The following SNTG1 variants were observed in gnomAD, a reference collection of about 807,000 sequenced individuals.
SNTG1 encodes the protein gamma-1-syntrophin.
SNTG1 carries 39 observed loss-of-function variants against 74.7 expected under a neutral mutation model. The observed-to-expected ratio is 0.52, with a 90% CI of 0.40 to 0.68. The LOEUF is 0.68. Among genes scored for constraint, SNTG1 ranks in the 30% least tolerant of loss-of-function variants. The pLI is 0.00. For synonymous variants in SNTG1, 254 were observed against 217.1 expected (o/e 1.17, Z -1.49); for missense variants, 685 against 609.5 (o/e 1.12, Z -1.30).
chr8:50,562,877 T>C (rs575305160), intron 12 of SNTG1, among the ~76,000 whole-genome samples: 2 of 152,300 alleles, frequency 1.3e-5, no homozygotes, highest in East Asian at 3.9e-4. Context: ...AGTTCCTAAA[T>C]ACTTAATTTA....
intron 18 of SNTG1, among the ~76,000 whole-genome samples, chr8:50,785,290 T>C: frequency 6.6e-6 from 1 of 151,920 alleles, no homozygotes; most frequent in Non-Finnish European, 1.5e-5. Context: ...GACAAAACTT[T>C]AACTAGATAA....
At chr8:50,559,432 C>G (rs1200769938) in intron 12 of SNTG1, among the ~76,000 whole-genome samples, 2 of 151,800 alleles carry the variant, frequency 1.3e-5, no homozygotes, top group Admixed American at 6.6e-5. Flanking sequence ...CTAATACCTA[C>G]TAAAAGAAGT....
At chr8:50,656,568 G>C (rs2095182648) in intron 13 of SNTG1, among the ~76,000 whole-genome samples, 1 of 152,100 alleles carries the variant, frequency 6.6e-6, no homozygotes, top group South Asian at 2.1e-4. Context: ...TGGTAAACAA[G>C]TGCGATGCAT....
chr8:50,474,259 A>G (rs1240145135), intron 8 of SNTG1, among the ~76,000 whole-genome samples: 1 of 152,150 alleles, frequency 6.6e-6, no homozygotes, highest in Admixed American at 6.5e-5. Flanking sequence ...TCTGCACAGC[A>G]AAAGAAACCA....
chr8:50,168,888 T>C (rs2082715187), intron 1 of SNTG1, among the ~76,000 whole-genome samples: 1 of 152,214 alleles, frequency 6.6e-6, no homozygotes, highest in African/African-American at 2.4e-5. Context: ...TACCTGATTA[T>C]GAAAAGCAGG....
At chr8:50,115,568 A>AC (rs2080783377) in intron 1 of SNTG1, among the ~76,000 whole-genome samples, 1 of 80,816 alleles carries the variant, frequency 1.2e-5, no homozygotes, top group Non-Finnish European at 2.7e-5. Flanking sequence ...ACTCTGTCTC[A>AC]AAAAAAAAAA....
rs2087629135 is a variant in SNTG1, at chr8:50,268,956, G to A, written c.-28+96321G>A. The stretch of plus-strand genomic sequence containing the variant: ...TTACAGGTGTGAGCCATCGCACCCA[G>A]CCTCAACCAGTTTTTGAAAGGTACA... On this transcript the variant is annotated intron_variant, in intron 2 of 18. Transcript: ENST00000642720. 3.3e-5 allele frequency among the ~76,000 whole-genome samples: 5 copies of A among 152,088 alleles called. No individual in the cohort carries two copies. In the South Asian group the frequency reaches 1.0e-3, roughly 32 times the overall value.
chr8:49,950,995 A>T (rs1361015381), intron 1 of SNTG1, among the ~76,000 whole-genome samples: 1 of 152,246 alleles, frequency 6.6e-6, no homozygotes, highest in Non-Finnish European at 1.5e-5. Flanking sequence ...AACAATACCT[A>T]AAACGTCTTT....
chr8:50,772,479 G>C (rs577723687), intron 18 of SNTG1, among the ~76,000 whole-genome samples: 62 of 152,144 alleles, frequency 4.1e-4, no homozygotes, highest in African/African-American at 1.4e-3. Context: ...TAAATAACTT[G>C]CTCTTGATTT....
intron 16 of SNTG1, chr8:50,708,645 G>A (rs929188414): frequency 2.1e-5 from 10 of 483,130 alleles, no homozygotes; most frequent in African/African-American, 1.5e-4. Flanking sequence ...GACAAAACTA[G>A]AGGGAGCAGG....
rs567870239 is a variant in SNTG1, at chr8:49,973,261, G to A, written c.-103+61030G>A. 4.7e-3 allele frequency among the ~76,000 whole-genome samples: 712 copies of A among 151,746 alleles called. 9 individuals carry two copies. The highest frequency in any genetic ancestry group is 0.016 in the African/African-American group (672 of 41,334). The stretch of plus-strand genomic sequence containing the variant: ...CGTCATTCTCAGCAAACTATCACAA[G>A]GACAAAAAACCAAACACCGCATGTT... On this transcript the variant is annotated intron_variant, in intron 1 of 18. Coordinates refer to ENST00000642720, the MANE Select transcript of SNTG1 (RefSeq NM_018967.5).
chr8:50,748,938 A>T (rs2095561114), intron 17 of SNTG1, among the ~76,000 whole-genome samples: 1 of 151,998 alleles, frequency 6.6e-6, no homozygotes, highest in Non-Finnish European at 1.5e-5. Context: ...ATAATCCTGC[A>T]ATGGACTTTC....
chr8:50,597,493 C>G (rs1480699944), intron 13 of SNTG1, among the ~76,000 whole-genome samples: 1 of 151,162 alleles, frequency 6.6e-6, no homozygotes, highest in African/African-American at 2.4e-5. Context: ...CATATCTCAG[C>G]TATTTTGAAT....
intron 2 of SNTG1, among the ~76,000 whole-genome samples, chr8:50,376,410 T>G (rs765083587): frequency 6.6e-6 from 1 of 152,116 alleles, no homozygotes; most frequent in Non-Finnish European, 1.5e-5. Flanking sequence ...ACTTGCATAA[T>G]GATAATAATT....
intron 12 of SNTG1, among the ~76,000 whole-genome samples, chr8:50,562,845 C>G (rs746083658): frequency 6.6e-6 from 1 of 152,162 alleles, no homozygotes; most frequent in Non-Finnish European, 1.5e-5. Flanking sequence ...CAGTGCAAAT[C>G]AGCCTATAGT....
chr8:49,932,585 T>G (rs2129359019), intron 1 of SNTG1, among the ~76,000 whole-genome samples: 1 of 152,146 alleles, frequency 6.6e-6, no homozygotes, highest in East Asian at 1.9e-4. Context: ...GACAATTTAT[T>G]TGATCCCTGT....
At chr8:50,574,070 C>A (rs1318606411) in intron 12 of SNTG1, among the ~76,000 whole-genome samples, 1 of 151,946 alleles carries the variant, frequency 6.6e-6, no homozygotes, top group Admixed American at 6.6e-5. Flanking sequence ...AACATCTCAA[C>A]CCATTTATGC....
intron 2 of SNTG1, among the ~76,000 whole-genome samples, chr8:50,244,603 C>T (rs2086308514): frequency 6.6e-6 from 1 of 152,134 alleles, no homozygotes. Context: ...CAGGAGGACT[C>T]TGGTTACTTT....
chr8:50,390,049 T>C (rs1203029422), intron 2 of SNTG1, among the ~76,000 whole-genome samples: 2 of 151,944 alleles, frequency 1.3e-5, no homozygotes, highest in Non-Finnish European at 2.9e-5. Flanking sequence ...TTCACTCTGA[T>C]GGTAGTTTCT....
Sources: allele counts gnomAD v4.1 joint callset (sites outside exome capture counted in the v4.1 genomes callset), GRCh38; gene constraint gnomAD v4.1.1; transcripts MANE v1.5; gene names NCBI Gene and HGNC (gene_info 2026-07-23, HGNC 2026-07-21).